Variants in POU6F2 observed in about 807,000 individuals in gnomAD.
POU6F2 encodes POU class 6 homeobox 2.
A neutral mutation model predicts 71.3 loss-of-function variants in POU6F2; 31 were observed. That is an observed-to-expected ratio of 0.43 (90% confidence interval 0.33 to 0.59). The LOEUF (loss-of-function observed/expected upper bound fraction) is 0.59. Among genes scored for constraint, POU6F2 ranks in the 20% least tolerant of loss-of-function variants. The probability of loss-of-function intolerance (pLI) is 0.04; values close to 1 mark genes in which losing one functional copy is unlikely to be tolerated. For synonymous variants in POU6F2, 347 were observed against 355.7 expected, an observed-to-expected ratio of 0.98 and a Z score of 0.27; for missense variants, 783 against 856.8, an observed-to-expected ratio of 0.91 and a Z score of 1.07.
chr7:39,320,741 A>G (rs1229656150), intron 4 of POU6F2, among the ~76,000 whole-genome samples: 2 of 152,180 alleles, frequency 1.3e-5, no homozygotes, highest in African/African-American at 2.4e-5. Context: ...TAAATTAGGC[A>G]TAGTAAGGGG....
chr7:39,065,233 A>C (rs1281688991), intron 1 of POU6F2, among the ~76,000 whole-genome samples: 1 of 151,754 alleles, frequency 6.6e-6, no homozygotes, highest in East Asian at 1.9e-4. Flanking sequence ...TTAATAATAG[A>C]GAACAAATTT....
chr7:39,426,021 AC>A (rs1787962601), intron 6 of POU6F2, among the ~76,000 whole-genome samples: 1 of 152,066 alleles, frequency 6.6e-6, no homozygotes, highest in Non-Finnish European at 1.5e-5. Flanking sequence ...CCCAGCTGCA[AC>A]CCTAACTTAA....
intron 3 of POU6F2, among the ~76,000 whole-genome samples, chr7:39,205,803 AG>A (rs1316861413): frequency 1.3e-4 from 20 of 152,190 alleles, no homozygotes; most frequent in Non-Finnish European, 2.5e-4. Context: ...AGGGCTCTGC[AG>A]AGTCTCCCCC....
At position 39,015,828 on chromosome 7, in the gene POU6F2, T is replaced by G. The variant is rs868616453; in HGVS notation, c.105+37770T>G. Among the ~76,000 whole-genome samples, 189 of 62,082 alleles carry G rather than the reference T, an allele frequency of 3.0e-3. 1 individual carries two copies. Among genetic ancestry groups the G allele is most frequent in the African/African-American group, 0.01 (186 of 18,120 alleles). 40.7% of individuals were successfully genotyped at this position (62,082 alleles called of 152,430 possible). A position where few individuals can be genotyped will look rare whatever the true frequency, so the allele number is the denominator to read the frequency against. On this transcript the variant is annotated intron_variant, in intron 1 of 9. Transcript: ENST00000518318. ...ATATTATATAGGTATATATTATATATAGATATATAATATATTATATATAGA... is the reference window on the plus strand; with the variant it reads ...ATATTATATAGGTATATATTATATAGAGATATATAATATATTATATATAGA...
At chr7:39,397,863 G>A (rs1298827517) in intron 5 of POU6F2, among the ~76,000 whole-genome samples, 2 of 137,610 alleles carry the variant, frequency 1.5e-5, no homozygotes, top group African/African-American at 5.9e-5. Flanking sequence ...TCTGTCACCA[G>A]GCTGGAGTGC....
At chr7:39,327,913 A>C (rs755393830) in intron 4 of POU6F2, among the ~76,000 whole-genome samples, 28 of 151,516 alleles carry the variant, frequency 1.8e-4, no homozygotes, top group Non-Finnish European at 3.7e-4. Context: ...ATTGGATAGA[A>C]AATGCTAATT....
chr7:39,433,902 A>G (rs992825110), intron 7 of POU6F2, among the ~76,000 whole-genome samples: 18 of 152,344 alleles, frequency 1.2e-4, no homozygotes, highest in African/African-American at 3.8e-4. Context: ...ACATTTTGTG[A>G]TAACCTACTG....
rs894396030 is a variant in POU6F2, at chr7:39,066,346, A to G, written c.106-19514A>G. Among the ~76,000 whole-genome samples the G allele has an allele frequency of 4.0e-5, 6 of 151,854 alleles. No individual in the cohort carries two copies. The East Asian group carries it at 1.2e-3, about 29-fold the overall frequency. On this transcript the variant is annotated intron_variant, in intron 1 of 9. Transcript: ENST00000518318. ...GGCTAAGACAAGAATGCCTTATATC[A>G]CTATTGTTAAGTATTATTTTGCTTA... is the stretch of plus-strand genomic sequence containing the variant.
intron 1 of POU6F2, among the ~76,000 whole-genome samples, chr7:39,011,179 C>G (rs1176361915): frequency 7.2e-6 from 1 of 138,748 alleles, no homozygotes; most frequent in African/African-American, 2.7e-5. Flanking sequence ...GTAGGTCACT[C>G]AGGACTTGCT....
At chr7:39,409,435 A>G (rs1478847583) in intron 6 of POU6F2, among the ~76,000 whole-genome samples, 1 of 152,218 alleles carries the variant, frequency 6.6e-6, no homozygotes, top group Non-Finnish European at 1.5e-5. Context: ...AACAAAAAGC[A>G]AGATTCATTA....
intron 1 of POU6F2, among the ~76,000 whole-genome samples, chr7:38,982,237 CT>C (rs1388721080): frequency 2.5e-4 from 38 of 152,174 alleles, no homozygotes; most frequent in African/African-American, 9.1e-4. Flanking sequence ...GTGTGAATGC[CT>C]GTATTTTTGA....
intron 8 of POU6F2, among the ~76,000 whole-genome samples, chr7:39,454,708 AT>A (rs1788754840): frequency 1.5e-4 from 12 of 78,748 alleles, no homozygotes; most frequent in African/African-American, 1.5e-4. Context: ...ATATATATAT[AT>A]ATATATATAT....
chr7:39,287,558 G>A (rs974756200), intron 4 of POU6F2, among the ~76,000 whole-genome samples: 10 of 152,192 alleles, frequency 6.6e-5, no homozygotes, highest in African/African-American at 2.2e-4. Context: ...TACTATGTAA[G>A]TGTTAGCTGT....
chr7:39,219,425 C>G (rs1196162768), intron 4 of POU6F2, among the ~76,000 whole-genome samples: 1 of 151,920 alleles, frequency 6.6e-6, no homozygotes, highest in Non-Finnish European at 1.5e-5. Flanking sequence ...TTTTCCCTTC[C>G]TTTCTTCTTT....
At chr7:39,240,810 A>G (rs950026113) in intron 4 of POU6F2, among the ~76,000 whole-genome samples, 5 of 152,174 alleles carry the variant, frequency 3.3e-5, no homozygotes, top group African/African-American at 1.2e-4. Flanking sequence ...CGAGTAAAAG[A>G]TATGATATTT....
intron 5 of POU6F2, among the ~76,000 whole-genome samples, chr7:39,350,008 C>T (rs539685254): frequency 1.4e-4 from 21 of 152,228 alleles, no homozygotes; most frequent in African/African-American, 5.1e-4. Context: ...GGGTGCCCTG[C>T]GTTTGTATGC....
At chr7:39,044,076 C>T (rs1020163833) in intron 1 of POU6F2, among the ~76,000 whole-genome samples, 6 of 151,772 alleles carry the variant, frequency 4.0e-5, no homozygotes, top group Admixed American at 6.6e-5. Flanking sequence ...ATCTCCTGGG[C>T]GTAGGGACTT....
At chr7:39,018,563 A>G (rs1401991763) in intron 1 of POU6F2, among the ~76,000 whole-genome samples, 1 of 152,134 alleles carries the variant, frequency 6.6e-6, no homozygotes, top group Non-Finnish European at 1.5e-5. Flanking sequence ...TCATTGTAAA[A>G]TTTATAAAAT....
At chr7:39,433,429 G>A (rs1788158976) in intron 7 of POU6F2, 146 bp downstream of exon 7, 3 of 839,354 alleles carry the variant, frequency 3.6e-6, no homozygotes, top group Admixed American at 2.9e-5. Flanking sequence ...TTATAAAATG[G>A]CATGTAACTC....
Sources: gnomAD v4.1 joint callset for allele counts (sites outside exome capture counted in the v4.1 genomes callset) on GRCh38, gnomAD v4.1.1 for gene constraint, MANE v1.5 for transcripts, NCBI Gene and HGNC (gene_info 2026-07-23, HGNC 2026-07-21) for gene names.